The following RASA1 variants were observed in gnomAD, a reference collection of about 807,000 sequenced individuals.
RASA1 encodes ras GTPase-activating protein 1.
RASA1 carries 25 observed loss-of-function variants against 132.2 expected under a neutral mutation model. That is an observed-to-expected ratio of 0.19 (90% CI 0.14 to 0.26). The LOEUF (loss-of-function observed/expected upper bound fraction) is 0.26, where lower values mean the gene tolerates loss of function less well. Among genes scored for constraint, RASA1 ranks in the 10% least tolerant of loss-of-function variants. The pLI, the probability that RASA1 is intolerant of heterozygous loss-of-function variation, is 1.00. For missense variants in RASA1, 964 were observed against 1,299.2 expected, an observed-to-expected ratio of 0.74 and a Z score of 3.97; for synonymous variants, 477 against 449.9, an observed-to-expected ratio of 1.06 and a Z score of -0.76.
chr5:87,285,816 G>A (rs542469999), intron 1 of RASA1, among the ~76,000 whole-genome samples: 52 of 150,946 alleles, frequency 3.4e-4, no homozygotes, highest in African/African-American at 6.6e-4. Flanking sequence ...ATGGGATTTC[G>A]CCATGTTGGC....
At chr5:87,329,326 C>G (rs561668541) in intron 1 of RASA1, among the ~76,000 whole-genome samples, 25 of 150,894 alleles carry the variant, frequency 1.7e-4, no homozygotes, top group African/African-American at 6.1e-4. Context: ...TCTGCAGTCT[C>G]GGCTACTTGG....
chr5:87,271,703 G>A (rs1305223396), intron 1 of RASA1, among the ~76,000 whole-genome samples: 2 of 151,520 alleles, frequency 1.3e-5, no homozygotes, highest in African/African-American at 4.8e-5. Flanking sequence ...GGCTGGTCTC[G>A]AACTCTGACC....
intron 1 of RASA1, among the ~76,000 whole-genome samples, chr5:87,316,000 T>TA (rs1223627546): frequency 6.6e-6 from 1 of 152,172 alleles, no homozygotes; most frequent in African/African-American, 2.4e-5. Context: ...TCCTTAAAAT[T>TA]AAAAAAATTA....
At chr5:87,367,085 TTTATTA>T (rs1580364833) in intron 11 of RASA1, among the ~76,000 whole-genome samples, 1 of 152,164 alleles carries the variant, frequency 6.6e-6, no homozygotes, top group African/African-American at 2.4e-5. Flanking sequence ...AGTATGCTAC[TTTATTA>T]TTAACTATTT....
intron 11 of RASA1, among the ~76,000 whole-genome samples, chr5:87,364,686 A>G (rs1760373977): frequency 6.6e-6 from 1 of 151,990 alleles, no homozygotes; most frequent in Non-Finnish European, 1.5e-5. Flanking sequence ...TCTACTCTGC[A>G]CCCTTCTTGT....
At chr5:87,302,988 G>C (rs1417627737) in intron 1 of RASA1, among the ~76,000 whole-genome samples, 2 of 151,992 alleles carry the variant, frequency 1.3e-5, no homozygotes, top group Non-Finnish European at 2.9e-5. Flanking sequence ...TGATTTTTGT[G>C]AATGGAGCAA....
At chr5:87,386,474 G>A (rs1323309307) in intron 22 of RASA1, among the ~76,000 whole-genome samples, 1 of 151,978 alleles carries the variant, frequency 6.6e-6, no homozygotes, top group African/African-American at 2.4e-5. Flanking sequence ...GGCCATGTTT[G>A]AGTGAATTTA....
chr5:87,351,455 A>T lies in RASA1; in HGVS notation c.1254-1702A>T, dbSNP rs894970750. On this transcript the variant is annotated intron_variant, in intron 8 of 24. Coordinates refer to ENST00000274376, the MANE Select transcript of RASA1 (RefSeq NM_002890.3). ...GACAATGGATTTTGGCTAGACCTTG[A>T]GGAGACAATATTAACATTTATCTAG... Among the ~76,000 whole-genome samples, 5 of 151,890 alleles carry T rather than the reference A, an allele frequency of 3.3e-5. No individual in the cohort carries two copies. In the South Asian group the frequency reaches 8.3e-4, roughly 25 times the overall value.
intron 1 of RASA1, among the ~76,000 whole-genome samples, chr5:87,328,275 T>C (rs1757376790): frequency 6.6e-6 from 1 of 152,182 alleles, no homozygotes; most frequent in Admixed American, 6.5e-5. Flanking sequence ...ACCACCAGTA[T>C]GATTCTTATG....
intron 1 of RASA1, among the ~76,000 whole-genome samples, chr5:87,280,996 C>T (rs1262360747): frequency 6.6e-6 from 1 of 151,890 alleles, no homozygotes; most frequent in Non-Finnish European, 1.5e-5. Flanking sequence ...CCCAGTTATC[C>T]ACTGAACATT....
chr5:87,292,095 A>G (rs1754933687), intron 1 of RASA1, among the ~76,000 whole-genome samples: 1 of 152,096 alleles, frequency 6.6e-6, no homozygotes, highest in Non-Finnish European at 1.5e-5. Context: ...TCTTTTGAAA[A>G]TATTTTTCTC....
intron 9 of RASA1, among the ~76,000 whole-genome samples, chr5:87,357,704 C>CA (rs5869396): frequency 0.21 from 31,346 of 149,838 alleles, 3,489 homozygotes; most frequent in East Asian, 0.42. Flanking sequence ...GATTCCATCT[C>CA]AAAAAAAAAG....
intron 14 of RASA1, 86 bp downstream of exon 14, chr5:87,374,406 A>G (rs1012335637): frequency 2.5e-6 from 3 of 1,191,086 alleles, no homozygotes; most frequent in African/African-American, 3.1e-5. Context: ...TATCTAAACC[A>G]TCAGAACAAG....
intron 1 of RASA1, among the ~76,000 whole-genome samples, chr5:87,287,415 T>TACACCATATATAC (rs1365159043): frequency 8.3e-5 from 12 of 144,054 alleles, no homozygotes; most frequent in African/African-American, 2.3e-4. Flanking sequence ...ACACCATATA[T>TACACCATATATAC]ACACCATATA....
At chr5:87,290,417 C>T (rs1754864636) in intron 1 of RASA1, among the ~76,000 whole-genome samples, 2 of 152,010 alleles carry the variant, frequency 1.3e-5, no homozygotes, top group African/African-American at 4.8e-5. Flanking sequence ...CATATTCCAC[C>T]CCCTCTTTTT....
intron 23 of RASA1, among the ~76,000 whole-genome samples, chr5:87,387,892 A>ATGTT (rs1762174245): frequency 6.6e-6 from 1 of 152,188 alleles, no homozygotes; most frequent in Non-Finnish European, 1.5e-5. Flanking sequence ...TTTTACTATA[A>ATGTT]TGTTTAAGGA....
rs145658483 is a variant in RASA1, at chr5:87,379,928, C to A, written c.2603+78C>A. On this transcript the variant is annotated intron_variant, in intron 19 of 24. Coordinates refer to ENST00000274376, the MANE Select transcript of RASA1 (RefSeq NM_002890.3). Reference sequence around the variant, plus strand: ...AATTTCTATTTCTAAAACGTGAAAGCTTTTCTGTTGTCCTAATATTATTAT... The same window carrying A: ...AATTTCTATTTCTAAAACGTGAAAGATTTTCTGTTGTCCTAATATTATTAT... The A allele has an allele frequency of 5.4e-4, 749 of 1,398,904 alleles. 3 individuals are homozygous for A. In the African/African-American group the frequency reaches 9.7e-3, roughly 18 times the overall value. 86.7% of individuals were successfully genotyped at this position (1,398,904 alleles called of 1,614,324 possible).
At chr5:87,382,846 C>A (rs1761813637) in intron 20 of RASA1, among the ~76,000 whole-genome samples, 1 of 151,800 alleles carries the variant, frequency 6.6e-6, no homozygotes, top group Non-Finnish European at 1.5e-5. Context: ...CATGTTTAGA[C>A]CAAGACAGGA....
intron 3 of RASA1, 131 bp from the exon 4 acceptor site, chr5:87,333,136 G>A: frequency 7.3e-7 from 1 of 1,376,722 alleles, no homozygotes; most frequent in Non-Finnish European, 9.7e-7. Context: ...TATAGTCCAA[G>A]TAAAAATTTA....
Sources: gnomAD v4.1 joint callset for allele counts (sites outside exome capture counted in the v4.1 genomes callset) on GRCh38, gnomAD v4.1.1 for gene constraint, MANE v1.5 for transcripts, NCBI Gene and HGNC (gene_info 2026-07-23, HGNC 2026-07-21) for gene names.